Variants in MAP3K15 observed in about 807,000 individuals in gnomAD.
MAP3K15 encodes the protein mitogen-activated protein kinase kinase kinase 15, also known as MAPK/ERK kinase kinase 15.
In MAP3K15, 124 loss-of-function variants were observed where a neutral mutation model predicts 99.5. The ratio of observed to expected loss-of-function variants is 1.25; its 90% CI spans 1.08 to 1.45. The LOEUF (loss-of-function observed/expected upper bound fraction) is 1.45. Ranked by LOEUF, MAP3K15 falls within the 40% of genes most tolerant of loss-of-function variation. The probability of loss-of-function intolerance (pLI) is 0.00; values close to 1 mark genes in which losing one functional copy is unlikely to be tolerated. For missense variants in MAP3K15, 1,242 were observed against 1,079.7 expected (o/e 1.15, Z -2.11); for synonymous variants, 494 against 439.6 (o/e 1.12, Z -1.55).
intron 9 of MAP3K15, among the ~76,000 whole-genome samples, chrX:19,423,916 T>C (rs1009807739): frequency 1.8e-5 from 2 of 111,337 alleles, no homozygotes; most frequent in African/African-American, 6.5e-5. Flanking sequence ...CCATCCCCAA[T>C]AAAAACCCTG....
At chrX:19,449,402 G>A (rs188191798) in intron 6 of MAP3K15, among the ~76,000 whole-genome samples, 2 of 109,857 alleles carry the variant, frequency 1.8e-5, no homozygotes, top group East Asian at 2.8e-4. Context: ...ATGTCAAAGC[G>A]TGCACTTTTT....
chrX:19,480,864 C>A (rs1156722126), intron 3 of MAP3K15, among the ~76,000 whole-genome samples: 1 of 106,602 alleles, frequency 9.4e-6, no homozygotes, highest in Non-Finnish European at 1.9e-5. Context: ...CCTGTAATCC[C>A]AGCACTTTGG....
At chrX:19,380,550 G>T (rs921277047) in intron 18 of MAP3K15, among the ~76,000 whole-genome samples, 1 of 111,057 alleles carries the variant, frequency 9.0e-6, no homozygotes, top group African/African-American at 3.3e-5. Context: ...TTTTGAGACA[G>T]AGTCTTGCTC....
chrX:19,397,357 G>A (rs1029183116), intron 15 of MAP3K15, among the ~76,000 whole-genome samples: 2 of 112,184 alleles, frequency 1.8e-5, no homozygotes, highest in South Asian at 7.4e-4. Flanking sequence ...TTATCTGCAT[G>A]TAATTTTCCA....
chrX:19,449,482 T>G (rs773283379), intron 6 of MAP3K15, among the ~76,000 whole-genome samples: 1 of 109,260 alleles, frequency 9.2e-6, no homozygotes, highest in East Asian at 2.8e-4. Context: ...CTATGGGACA[T>G]TTATCAATGT....
chrX:19,385,841 C>T (rs1372189654), intron 18 of MAP3K15, among the ~76,000 whole-genome samples: 3 of 111,529 alleles, frequency 2.7e-5, no homozygotes, highest in African/African-American at 9.8e-5. Context: ...ATAAGAGTAG[C>T]ACGTGTAAGG....
In MAP3K15 at chrX:19,417,488, C is replaced by T. The variant is rs192523407; in HGVS notation, c.1440-2231G>A. Among the ~76,000 whole-genome samples the T allele has an allele frequency of 1.4e-3, 157 of 111,668 alleles. 2 individuals carry two copies. Among genetic ancestry groups the T allele is most frequent in the African/African-American group, 4.8e-3 (147 of 30,815 alleles). ...ATCAAACTGCAAGGCGGCAGTGAGGCTGGGGGAGGGGCGCCCACCACTGCC... is the reference window on the plus strand; with the variant it reads ...ATCAAACTGCAAGGCGGCAGTGAGGTTGGGGGAGGGGCGCCCACCACTGCC... On this transcript the variant is annotated intron_variant, in intron 9 of 28. Transcript: ENST00000338883.
intron 4 of MAP3K15, among the ~76,000 whole-genome samples, chrX:19,460,564 G>GA (rs2064124898): frequency 9.0e-6 from 1 of 110,534 alleles, no homozygotes; most frequent in Non-Finnish European, 1.9e-5. Context: ...AGAATGACTT[G>GA]AAAATGAATT....
At chrX:19,474,930 T>C (rs957563731) in intron 3 of MAP3K15, among the ~76,000 whole-genome samples, 2 of 111,203 alleles carry the variant, frequency 1.8e-5, no homozygotes, top group African/African-American at 6.5e-5. Flanking sequence ...TTTAAAACAG[T>C]GGTCCCCAAC....
intron 3 of MAP3K15, among the ~76,000 whole-genome samples, chrX:19,480,138 C>G (rs998546017): frequency 2.7e-5 from 3 of 111,780 alleles, no homozygotes; most frequent in Non-Finnish European, 3.8e-5. Context: ...TAAAGAAGAC[C>G]TAAATAAATG....
At chrX:19,361,681 G>T in intron 26 of MAP3K15, 88 bp from the exon 27 acceptor site, 1 of 633,490 alleles carries the variant, frequency 1.6e-6, no homozygotes, top group Non-Finnish European at 2.5e-6. Context: ...ATTCCAGAAT[G>T]TAAATGTGAT....
intron 1 of MAP3K15, among the ~76,000 whole-genome samples, chrX:19,499,058 T>C (rs2064424859): frequency 9.0e-6 from 1 of 111,518 alleles, no homozygotes; most frequent in Non-Finnish European, 1.9e-5. Context: ...ATCCAAAACA[T>C]AAAAACCTCT....
chrX:19,492,694 C>T (rs772015357), intron 1 of MAP3K15, among the ~76,000 whole-genome samples: 1 of 111,885 alleles, frequency 8.9e-6, no homozygotes, highest in African/African-American at 3.2e-5. Context: ...AGGCCGGGCG[C>T]GGTGGCTCAC....
chrX:19,412,982 C>T (rs1158572001), intron 11 of MAP3K15, among the ~76,000 whole-genome samples: 1 of 109,882 alleles, frequency 9.1e-6, no homozygotes, highest in South Asian at 4.0e-4. Context: ...TCAAGCAACC[C>T]GCCTGCCTTG....
chrX:19,410,521 C>T, intron 11 of MAP3K15, among the ~76,000 whole-genome samples: 1 of 112,059 alleles, frequency 8.9e-6, no homozygotes. Context: ...GACTCAAAAA[C>T]TCCACAGCAA....
intron 25 of MAP3K15, among the ~76,000 whole-genome samples, chrX:19,367,723 A>ACTTTTTTTTTTTTTTTTTTTTTTTTTT (rs2063344451): frequency 4.1e-5 from 1 of 24,107 alleles, no homozygotes; most frequent in African/African-American, 1.3e-4. Context: ...ATAACTATGG[A>ACTTTTTTTTTTTTTTTTTTTTTTTTTT]TTTTTTTTTT....
chrX:19,370,569 G>A (rs762823114), intron 24 of MAP3K15, among the ~76,000 whole-genome samples: 1 of 110,122 alleles, frequency 9.1e-6, no homozygotes, highest in Non-Finnish European at 1.9e-5. Flanking sequence ...CTAATTTTTT[G>A]TATTTTTAGT....
At chrX:19,379,996 T>C (rs1342640561) in intron 19 of MAP3K15, 124 bp downstream of exon 19, 1 of 756,343 alleles carries the variant, frequency 1.3e-6, no homozygotes, top group Non-Finnish European at 1.8e-6. Context: ...TTAATGCTTA[T>C]CCAATAATAA....
rs1602364467 is a variant in MAP3K15, at chrX:19,515,013, C to G, written c.249G>C (p.Ala83=). ...CGCAGGCCCGCAGCAGGCACTGCCG[C>G]GCCCCAGCCTCCGGGCCGCCGGCCG... ...GGAAGGPEAG[A]RQCLLRACEA... Residue 83 remains alanine, a synonymous_variant, in exon 1 of 29, where the codon GCG becomes GCC. Coordinates refer to ENST00000338883, the MANE Select transcript of MAP3K15 (RefSeq NM_001001671.4). 1 of 1,091,550 alleles carries G rather than the reference C, an allele frequency of 9.2e-7. No homozygotes were observed. Among genetic ancestry groups the G allele is most frequent in the Admixed American group, 3.1e-5 (1 of 31,821 alleles). The allele number at this position is 1,091,550 out of a possible 1,213,427, so 90.0% of individuals were successfully genotyped here.
Sources: allele counts gnomAD v4.1 joint callset (sites outside exome capture counted in the v4.1 genomes callset), GRCh38; gene constraint gnomAD v4.1.1; transcripts MANE v1.5; gene names NCBI Gene and HGNC (gene_info 2026-07-23, HGNC 2026-07-21).